The following NCOA7 variants were observed in gnomAD, a reference collection of about 807,000 sequenced individuals.
NCOA7 encodes the protein nuclear receptor coactivator 7, also known as 140 kDa estrogen receptor-associated protein.
In NCOA7, 45 loss-of-function variants were observed where a neutral mutation model predicts 104.3. The ratio of observed to expected loss-of-function variants is 0.43; its 90% CI spans 0.34 to 0.55. The LOEUF (loss-of-function observed/expected upper bound fraction) is 0.55, where lower values mean the gene tolerates loss of function less well. NCOA7 is among the 20% of genes least tolerant of loss of function. The pLI is 0.02. For synonymous variants in NCOA7, 398 were observed against 402.3 expected, an observed-to-expected ratio of 0.99 and a Z score of 0.13; for missense variants, 1,041 against 1,119.7, an observed-to-expected ratio of 0.93 and a Z score of 1.00.
chr6:125,788,792 T>C (rs1295210139), upstream of NCOA7, among the ~76,000 whole-genome samples: 1 of 150,496 alleles, frequency 6.6e-6, no homozygotes, highest in African/African-American at 2.4e-5. Context: ...TCCGCCCGCC[T>C]CGGCCTCCCA....
At chr6:125,794,840 A>G (rs1299107347) in intron 1 of NCOA7, among the ~76,000 whole-genome samples, 1 of 152,226 alleles carries the variant, frequency 6.6e-6, no homozygotes, top group Non-Finnish European at 1.5e-5. Context: ...CTTAAACGCT[A>G]TATAGGTTGA....
chr6:125,882,143 C>T (rs1409612262), intron 6 of NCOA7, among the ~76,000 whole-genome samples: 1 of 152,106 alleles, frequency 6.6e-6, no homozygotes, highest in African/African-American at 2.4e-5. Context: ...CGTGAGCCAC[C>T]ACACCCAGCC....
Position 125,916,339 on chromosome 6 carries a change from A to G in NCOA7, c.2244+859A>G, listed in dbSNP as rs57502991. Among the ~76,000 whole-genome samples the G allele has an allele frequency of 1.1e-3, 170 of 152,284 alleles. 2 individuals are homozygous for G. In the East Asian group the frequency reaches 0.022, roughly 20 times the overall value. On this transcript the variant is annotated intron_variant, in intron 11 of 15. Transcript: ENST00000392477. ...AACCTCTTTTGTTTGTAAATTACTC[A>G]GTTTCAGGTAGCATCTTTATAGCAG...
At chr6:125,793,634 G>C (rs1775050594) in intron 1 of NCOA7, among the ~76,000 whole-genome samples, 1 of 151,916 alleles carries the variant, frequency 6.6e-6, no homozygotes, top group South Asian at 2.1e-4. Flanking sequence ...CTTCCTAAAG[G>C]CTGTATTTTA....
intron 2 of NCOA7, among the ~76,000 whole-genome samples, chr6:125,840,873 T>G (rs1475493953): frequency 1.4e-4 from 2 of 13,932 alleles, no homozygotes; most frequent in South Asian, 5.1e-3. Flanking sequence ...GGTTGGTTTT[T>G]TTTTTTTTTT....
At chr6:125,801,384 C>T (rs977649313) in intron 1 of NCOA7, among the ~76,000 whole-genome samples, 2 of 152,052 alleles carry the variant, frequency 1.3e-5, no homozygotes, top group Non-Finnish European at 2.9e-5. Context: ...GCCTGCATTT[C>T]CTTTAAATTA....
At chr6:125,784,456 C>A (rs971940212) in intron 1 of NCOA7, among the ~76,000 whole-genome samples, 2 of 152,146 alleles carry the variant, frequency 1.3e-5, no homozygotes, top group Non-Finnish European at 2.9e-5. Context: ...AATGGTATAG[C>A]CACTCTAGAA....
At chr6:125,872,466 C>G (rs762085639) in intron 3 of NCOA7, among the ~76,000 whole-genome samples, 8 of 152,086 alleles carry the variant, frequency 5.3e-5, no homozygotes, top group African/African-American at 1.9e-4. Flanking sequence ...TCTGAAAGCA[C>G]GAAGACCTAA....
At position 125,927,733 on chromosome 6, in the gene NCOA7, T is replaced by C; in HGVS notation, c.2594T>C (p.Leu865Pro). The change falls in exon 14 of 16, where the codon CTC (leucine) becomes CCC (proline). Residue 865 changes from leucine (L) to proline (P), a missense_variant. Physicochemically the swap from Leu to Pro is moderately conservative, Grantham distance 98. Coordinates refer to ENST00000392477, the MANE Select transcript of NCOA7 (RefSeq NM_181782.5). The part of the protein sequence containing the change: ...DHYYGTGETF[L>P]YTFSPHFKVF... ...TATTATGGCACAGGCGAAACTTTTC[T>C]CTACACATTCAGCCCTCATTTTAAG... The C allele has an allele frequency of 1.3e-5, 21 of 1,613,996 alleles. No homozygotes were observed. The highest frequency in any genetic ancestry group is 1.8e-5 in the Non-Finnish European group (21 of 1,179,838).
chr6:125,914,377 C>A (rs1396856312), intron 10 of NCOA7, among the ~76,000 whole-genome samples: 4 of 152,104 alleles, frequency 2.6e-5, no homozygotes, highest in Non-Finnish European at 5.9e-5. Flanking sequence ...AAACGATGTA[C>A]ACTTGTGGAC....
At chr6:125,814,266 C>T (rs1008879292) in intron 1 of NCOA7, among the ~76,000 whole-genome samples, 9 of 152,130 alleles carry the variant, frequency 5.9e-5, no homozygotes, top group Admixed American at 3.3e-4. Flanking sequence ...GCGATTCTCG[C>T]GCCTCAACCT....
At chr6:125,829,175 T>G (rs1053784881) in intron 2 of NCOA7, among the ~76,000 whole-genome samples, 1 of 152,116 alleles carries the variant, frequency 6.6e-6, no homozygotes, top group Non-Finnish European at 1.5e-5. Context: ...ATAAAAAATT[T>G]TTATAACCAT....
intron 6 of NCOA7, 94 bp from the exon 7 acceptor site, chr6:125,882,332 G>A (rs1583454275): frequency 1.6e-6 from 2 of 1,265,694 alleles, no homozygotes; most frequent in East Asian, 2.4e-5. Flanking sequence ...AATAGAAATA[G>A]TATACTCACA....
In NCOA7 at chr6:125,929,961, G is replaced by T. The variant is rs564201537; in HGVS notation, c.*1190G>T. ...TTGGTTTCTTGATTCATTTATTTGA[G>T]AAAAAAACAATACAAAGAAATGCAT... On this transcript the variant is annotated 3_prime_UTR_variant, in exon 16 of 16. Transcript: ENST00000392477. The T allele has an allele frequency of 4.6e-5, 7 of 151,854 alleles. No individual in the cohort carries two copies. The highest frequency in any genetic ancestry group is 1.7e-4 in the African/African-American group (7 of 41,454). 9.4% of individuals were successfully genotyped at this position (151,854 alleles called of 1,614,324 possible). A position where few individuals can be genotyped will look rare whatever the true frequency, so the allele number is the denominator to read the frequency against.
chr6:125,867,170 A>G (rs915741782), intron 3 of NCOA7, among the ~76,000 whole-genome samples: 1 of 152,244 alleles, frequency 6.6e-6, no homozygotes, highest in African/African-American at 2.4e-5. Context: ...TTCTGTTACA[A>G]AAATTAAAAA....
intron 12 of NCOA7, 27 bp from the exon 13 acceptor site, chr6:125,922,655 T>C (rs1428937724): frequency 3.1e-6 from 5 of 1,605,280 alleles, no homozygotes; most frequent in Non-Finnish European, 4.3e-6. Context: ...GAACCTTCTG[T>C]TTACATCTCT....
intron 3 of NCOA7, among the ~76,000 whole-genome samples, chr6:125,861,219 A>C (rs1463829258): frequency 6.6e-6 from 1 of 152,242 alleles, no homozygotes; most frequent in East Asian, 1.9e-4. Context: ...TGTGGAAGTA[A>C]CAGACTACTA....
Position 125,889,139 on chromosome 6 carries a change from C to T in NCOA7, c.1085C>T (p.Pro362Leu). 6.2e-7 allele frequency: 1 copy of T among 1,614,140 alleles called. No individual in the cohort carries two copies. The highest frequency in any genetic ancestry group is 8.5e-7 in the Non-Finnish European group (1 of 1,180,022). Residue 362 changes from proline (P) to leucine (L), a missense_variant, in exon 9 of 16, where the codon CCC (proline) becomes CTC (leucine). By Grantham distance (98) the Pro-to-Leu change is moderately conservative. Coordinates refer to ENST00000392477, the MANE Select transcript of NCOA7 (RefSeq NM_181782.5). ...TCCACAGGACATACACCTACAAAGC[C>T]CTCAGGCAGCTCTGTGTCAGAGAAA... Reference protein sequence around the residue: ...EKSTGHTPTKPSGSSVSEKLK... With the variant: ...EKSTGHTPTKLSGSSVSEKLK...
intron 1 of NCOA7, among the ~76,000 whole-genome samples, chr6:125,796,274 T>G (rs1262923292): frequency 1.3e-5 from 2 of 151,896 alleles, no homozygotes; most frequent in African/African-American, 4.8e-5. Context: ...CATGTAAGAT[T>G]GATAAAAAAA....
Sources: gnomAD v4.1 joint callset for allele counts (sites outside exome capture counted in the v4.1 genomes callset) on GRCh38, gnomAD v4.1.1 for gene constraint, MANE v1.5 for transcripts, NCBI Gene and HGNC (gene_info 2026-07-23, HGNC 2026-07-21) for gene names.